CRAMP1: variants seen among roughly 807,000 people sequenced by gnomAD.
CRAMP1 encodes the protein cramped chromatin regulator 1.
CRAMP1 carries 50 observed loss-of-function variants against 115.4 expected under a neutral mutation model. The observed-to-expected ratio is 0.43, with a 90% CI of 0.35 to 0.55. The LOEUF (loss-of-function observed/expected upper bound fraction) is 0.55. Ranked by LOEUF, CRAMP1 falls within the 20% of genes least tolerant of loss-of-function variation. The probability of loss-of-function intolerance (pLI) is 0.01; values close to 1 mark genes in which losing one functional copy is unlikely to be tolerated. For missense variants in CRAMP1, 1,679 were observed against 1,721.7 expected (o/e 0.98, Z 0.44); for synonymous variants, 866 against 745.4 (o/e 1.16, Z -2.64).
chr16:1,665,997 C>G (rs2036872107), intron 14 of CRAMP1, 76 bp from the exon 15 acceptor site: 2 of 931,264 alleles, frequency 2.1e-6, no homozygotes, highest in Admixed American at 2.0e-5. Flanking sequence ...GTAAAGGAAG[C>G]CCCCTGCGGC....
chr16:1,625,387 G>A (rs537873935), intron 2 of CRAMP1, among the ~76,000 whole-genome samples: 1 of 152,116 alleles, frequency 6.6e-6, no homozygotes, highest in South Asian at 2.1e-4. Context: ...GATTTGCAAG[G>A]TTATCAGGTC....
At chr16:1,640,056 G>T (rs2036619447) in intron 5 of CRAMP1, among the ~76,000 whole-genome samples, 2 of 152,194 alleles carry the variant, frequency 1.3e-5, no homozygotes, top group African/African-American at 4.8e-5. Context: ...TTCCGCAACC[G>T]GTTCCTTTCT....
chr16:1,614,678 C>G lies in CRAMP1; in HGVS notation c.39C>G (p.Asp13Glu), dbSNP rs980268947. Reference protein sequence around the residue: ...VKLGDGGSGEDGLKKLGKRAA... With the variant: ...VKLGDGGSGEEGLKKLGKRAA... ...TGGGCGACGGCGGCAGCGGGGAGGA[C>G]GGGCTCAAGAAGCTGGGCAAGCGGG... The change falls in exon 2 of 21, where the codon GAC (aspartate) becomes GAG (glutamate). Residue 13 changes from aspartate to glutamate, a missense_variant. Asp to Glu is a conservative substitution (Grantham distance 45, BLOSUM62 2). This residue lies in a region of CRAMP1 where 264 missense variants were observed against 229.7 expected (regional missense o/e 1.15). Transcript: ENST00000397412. The surrounding 1 kb of genome is among the most constrained non-coding windows in gnomAD (Gnocchi z 4.4). 1 of 1,307,638 alleles carries G rather than the reference C, an allele frequency of 7.6e-7. No homozygotes were observed. 81.0% of individuals were successfully genotyped at this position (1,307,638 alleles called of 1,614,324 possible).
rs374621895 is a variant in CRAMP1 at position 1,652,585 on chromosome 16, A to T, written c.913+4A>T. ...AAGAAGCTGTGCGATCCAGATGGTA[A>T]GTGAATGGGGCGCTCCCGGGACCAG... On this transcript the variant is annotated splice_donor_region_variant and intron_variant, in intron 7 of 20. Coordinates refer to ENST00000397412, the MANE Select transcript of CRAMP1 (RefSeq NM_020825.4). The T allele has an allele frequency of 1.9e-5, 29 of 1,552,064 alleles. No individual in the cohort carries two copies. Among genetic ancestry groups the T allele is most frequent in the Non-Finnish European group, 2.4e-5 (28 of 1,147,152 alleles).
chr16:1,662,403 C>A, intron 11 of CRAMP1, 87 bp from the exon 12 acceptor site: 1 of 1,108,366 alleles, frequency 9.0e-7, no homozygotes, highest in Non-Finnish European at 1.3e-6. Flanking sequence ...GAATGTCTTT[C>A]TGACTTTCTT....
At chr16:1,665,160 G>A (rs760028310) in intron 14 of CRAMP1, 22 bp downstream of exon 14, 6 of 1,520,162 alleles carry the variant, frequency 3.9e-6, no homozygotes, top group Non-Finnish European at 5.5e-6. Context: ...GAGCTTTTCT[G>A]GGGTAGCTTG....
intron 2 of CRAMP1, among the ~76,000 whole-genome samples, chr16:1,618,264 A>C (rs1419450228): frequency 6.6e-6 from 1 of 152,196 alleles, no homozygotes; most frequent in Non-Finnish European, 1.5e-5. Context: ...CCTGGGCAAC[A>C]AGGGTGAGAC....
intron 2 of CRAMP1, among the ~76,000 whole-genome samples, chr16:1,624,546 G>A (rs1201017820): frequency 6.6e-6 from 1 of 151,342 alleles, no homozygotes; most frequent in East Asian, 2.0e-4. Context: ...AGTCTCCCAA[G>A]TAGCTAGGAC....
At chr16:1,639,135 A>G (rs1319993783) in intron 5 of CRAMP1, among the ~76,000 whole-genome samples, 4 of 151,726 alleles carry the variant, frequency 2.6e-5, no homozygotes, top group Non-Finnish European at 2.9e-5. Context: ...CATCTTGACC[A>G]TGTGTTCCCA....
At chr16:1,618,638 G>A (rs2036440659) in intron 2 of CRAMP1, among the ~76,000 whole-genome samples, 1 of 152,092 alleles carries the variant, frequency 6.6e-6, no homozygotes, top group Admixed American at 6.5e-5. Context: ...TTTGTGTGTA[G>A]GAATCGGTAA....
At chr16:1,616,949 G>T (rs2036425510) in intron 2 of CRAMP1, among the ~76,000 whole-genome samples, 1 of 151,462 alleles carries the variant, frequency 6.6e-6, no homozygotes, top group Non-Finnish European at 1.5e-5. Flanking sequence ...CAGGTGGCTG[G>T]GACTACAGGC....
intron 18 of CRAMP1, 59 bp downstream of exon 18, chr16:1,668,252 A>G (rs1034570391): frequency 5.5e-5 from 67 of 1,228,120 alleles, no homozygotes; most frequent in East Asian, 3.3e-4. Context: ...TCCTGCCCCA[A>G]TGTTTGCCAC....
rs749492493 is a variant in CRAMP1 at position 1,652,480 on chromosome 16, A to G, written c.828-16A>G. On this transcript the variant is annotated splice_polypyrimidine_tract_variant and intron_variant, in intron 6 of 20. Coordinates refer to ENST00000397412, the MANE Select transcript of CRAMP1 (RefSeq NM_020825.4). ...CACTCACAGGCCTCAGCGTTCCTTC[A>G]AAACTCTTTTCCCAGGGCCACCACT... The G allele has an allele frequency of 5.2e-6, 8 of 1,550,532 alleles. No homozygotes were observed. The highest frequency in any genetic ancestry group is 2.4e-5 in the East Asian group (1 of 40,902).
intron 3 of CRAMP1, among the ~76,000 whole-genome samples, chr16:1,628,508 C>T (rs113441328): frequency 6.6e-6 from 1 of 152,350 alleles, no homozygotes; most frequent in African/African-American, 2.4e-5. Flanking sequence ...CCTGCCCCAG[C>T]CTCCTGAAGT....
intron 13 of CRAMP1, among the ~76,000 whole-genome samples, chr16:1,663,951 C>A (rs1393038408): frequency 6.6e-6 from 1 of 152,194 alleles, no homozygotes; most frequent in South Asian, 2.1e-4. Context: ...TAAAATATTT[C>A]CTGCCTGGCC....
intron 2 of CRAMP1, among the ~76,000 whole-genome samples, chr16:1,616,975 C>T (rs1027010262): frequency 6.6e-6 from 1 of 151,158 alleles, no homozygotes; most frequent in Non-Finnish European, 1.5e-5. Flanking sequence ...CCACCACACC[C>T]AGCTAATTTT....
chr16:1,636,108 C>T (rs1377817899), intron 4 of CRAMP1, among the ~76,000 whole-genome samples: 1 of 152,094 alleles, frequency 6.6e-6, no homozygotes, highest in African/African-American at 2.4e-5. Flanking sequence ...TGGTGGCTCA[C>T]GCCTGTAATC....
chr16:1,620,028 G>C (rs1021372541), intron 2 of CRAMP1, among the ~76,000 whole-genome samples: 15 of 152,300 alleles, frequency 9.8e-5, no homozygotes, highest in Middle Eastern at 3.4e-3. Context: ...CGATGGAGCT[G>C]GGTAGGGGAG....
chr16:1,648,013 A>G (rs2036691280), intron 6 of CRAMP1, among the ~76,000 whole-genome samples: 1 of 152,150 alleles, frequency 6.6e-6, no homozygotes, highest in East Asian at 1.9e-4. Flanking sequence ...TCAGTGTCGC[A>G]GCCTCAAGTC....
Sources: allele counts gnomAD v4.1 joint callset (sites outside exome capture counted in the v4.1 genomes callset), GRCh38; gene constraint gnomAD v4.1.1; regional missense constraint gnomAD v4.1.1; non-coding constraint Gnocchi (gnomAD v3.1); transcripts MANE v1.5; gene names NCBI Gene and HGNC (gene_info 2026-07-23, HGNC 2026-07-21).